The following RBFOX1 variants were observed in gnomAD, a reference collection of about 807,000 sequenced individuals.
The protein encoded by RBFOX1 is RNA binding protein fox-1 homolog 1.
In RBFOX1, 8 loss-of-function variants were observed where a neutral mutation model predicts 57.7. The observed-to-expected ratio is 0.14, with a 90% CI of 0.08 to 0.25. The LOEUF is 0.25. RBFOX1 is among the 10% of genes least tolerant of loss of function. The pLI is 1.00. For missense variants in RBFOX1, 611 were observed against 548.5 expected, an observed-to-expected ratio of 1.11 and a Z score of -1.14; for synonymous variants, 326 against 222.4, an observed-to-expected ratio of 1.47 and a Z score of -4.15.
chr16:6,620,699 A>C (rs1212095553), intron 2 of RBFOX1, among the ~76,000 whole-genome samples: 1 of 152,186 alleles, frequency 6.6e-6, no homozygotes, highest in Non-Finnish European at 1.5e-5. Context: ...AGAAATACAA[A>C]CAACCATCAC....
At chr16:6,387,907 GT>G (rs771531738) in intron 2 of RBFOX1, among the ~76,000 whole-genome samples, 60 of 150,740 alleles carry the variant, frequency 4.0e-4, no homozygotes, top group Non-Finnish European at 6.5e-4. Flanking sequence ...GTGTACCCCA[GT>G]CACTATGACT....
At chr16:7,645,277 A>T (rs2063534665) in intron 11 of RBFOX1, among the ~76,000 whole-genome samples, 1 of 152,164 alleles carries the variant, frequency 6.6e-6, no homozygotes, top group African/African-American at 2.4e-5. Context: ...TTTTGTGAGT[A>T]ACTACCACCC....
chr16:7,654,668 G>C (rs1041177248), intron 12 of RBFOX1, among the ~76,000 whole-genome samples: 8 of 152,140 alleles, frequency 5.3e-5, no homozygotes, highest in African/African-American at 1.9e-4. Flanking sequence ...TGGTGTGTTT[G>C]GTGGCAGTCT....
chr16:6,287,210 T>A (rs1437442091), intron 1 of RBFOX1, among the ~76,000 whole-genome samples: 1 of 152,134 alleles, frequency 6.6e-6, no homozygotes, highest in African/African-American at 2.4e-5. Context: ...CTTTGTGAAC[T>A]TACTGTTTTC....
At chr16:7,183,141 C>A (rs1031740479) in intron 4 of RBFOX1, among the ~76,000 whole-genome samples, 4 of 152,126 alleles carry the variant, frequency 2.6e-5, no homozygotes, top group African/African-American at 9.7e-5. Flanking sequence ...AGTATTCAAC[C>A]CTCTTTTTAT....
intron 4 of RBFOX1, among the ~76,000 whole-genome samples, chr16:7,316,446 T>A (rs577791470): frequency 2.0e-4 from 31 of 152,324 alleles, no homozygotes; most frequent in African/African-American, 6.3e-4. Context: ...TTCTCTGAAG[T>A]CAATGGTTAA....
At chr16:5,815,872 G>A (rs374520203) in intron 3 of RBFOX1, among the ~76,000 whole-genome samples, 1 of 152,200 alleles carries the variant, frequency 6.6e-6, no homozygotes, top group East Asian at 1.9e-4. Flanking sequence ...CAGGGGCTGG[G>A]AGCCTGGGGC....
chr16:6,902,797 A>C (rs1013495691), intron 3 of RBFOX1, among the ~76,000 whole-genome samples: 2 of 152,142 alleles, frequency 1.3e-5, no homozygotes, highest in African/African-American at 4.8e-5. Flanking sequence ...ATCAGAACCA[A>C]ATAAAGCTTT....
At chr16:7,567,833 C>T (rs1008041782) in intron 5 of RBFOX1, among the ~76,000 whole-genome samples, 1 of 146,578 alleles carries the variant, frequency 6.8e-6, no homozygotes, top group South Asian at 2.2e-4. Context: ...ATATATATCC[C>T]CATATATATA....
intron 1 of RBFOX1, among the ~76,000 whole-genome samples, chr16:6,139,836 T>G (rs2096700814): frequency 1.3e-5 from 2 of 152,164 alleles, no homozygotes; most frequent in South Asian, 4.1e-4. Flanking sequence ...TCAGTGATTC[T>G]CCCTTCTCAG....
At chr16:5,472,282 A>G (rs1288827226) in intron 2 of RBFOX1, among the ~76,000 whole-genome samples, 2 of 152,078 alleles carry the variant, frequency 1.3e-5, no homozygotes, top group Non-Finnish European at 2.9e-5. Context: ...AGGGCCTGGC[A>G]TTGCTTGTAC....
intron 2 of RBFOX1, among the ~76,000 whole-genome samples, chr16:6,647,712 G>T (rs574856396): frequency 2.0e-5 from 3 of 152,078 alleles, no homozygotes; most frequent in Non-Finnish European, 4.4e-5. Context: ...ATTCTGATTC[G>T]ATGTATCTGG....
chr16:6,464,617 G>T (rs984492226), intron 2 of RBFOX1, among the ~76,000 whole-genome samples: 3 of 152,210 alleles, frequency 2.0e-5, no homozygotes, highest in Admixed American at 2.0e-4. Flanking sequence ...AAAGAAAACA[G>T]CTACTTAATG....
At chr16:5,551,891 T>C (rs1383049396) in intron 2 of RBFOX1, among the ~76,000 whole-genome samples, 1 of 151,130 alleles carries the variant, frequency 6.6e-6, no homozygotes, top group African/African-American at 2.4e-5. Flanking sequence ...ATATGCGGTG[T>C]TTGGTTTTCT....
At chr16:6,934,028 C>T (rs2076979195) in intron 3 of RBFOX1, among the ~76,000 whole-genome samples, 1 of 152,198 alleles carries the variant, frequency 6.6e-6, no homozygotes, top group Non-Finnish European at 1.5e-5. Flanking sequence ...GACACGATTG[C>T]ACACTGGGCT....
intron 1 of RBFOX1, among the ~76,000 whole-genome samples, chr16:6,304,843 C>T (rs1426526732): frequency 1.6e-5 from 2 of 126,082 alleles, no homozygotes. Flanking sequence ...ACTGACTATA[C>T]TCCAGACTGG....
At chr16:5,283,047 CCAG>C (rs1294780318) in intron 1 of RBFOX1, among the ~76,000 whole-genome samples, 1 of 152,154 alleles carries the variant, frequency 6.6e-6, no homozygotes, top group Non-Finnish European at 1.5e-5. Flanking sequence ...CCTAGCCACT[CCAG>C]CTGCAGCTAA....
At chr16:5,637,816 C>G (rs956485300) in intron 3 of RBFOX1, among the ~76,000 whole-genome samples, 1 of 152,064 alleles carries the variant, frequency 6.6e-6, no homozygotes, top group Non-Finnish European at 1.5e-5. Context: ...GGAGGGAGGG[C>G]CACAGGGCTT....
At position 6,653,807 on chromosome 16, in the gene RBFOX1, C is replaced by T. The variant is rs143791754; in HGVS notation, c.-63-796C>T. On this transcript the variant is annotated intron_variant, in intron 2 of 15. Transcript: ENST00000550418. Reference sequence around the variant, plus strand: ...GTGGGTGGATGGATGGATGAGTAGACGGATGAATGGGAGAAGGATGCAGGA... The same window carrying T: ...GTGGGTGGATGGATGGATGAGTAGATGGATGAATGGGAGAAGGATGCAGGA... Among the ~76,000 whole-genome samples the T allele has an allele frequency of 2.4e-3, 345 of 143,802 alleles. 3 individuals carry two copies. The highest frequency in any genetic ancestry group is 7.8e-3 in the African/African-American group (297 of 38,086). The allele number at this position is 143,802 out of a possible 152,430, so 94.3% of individuals were successfully genotyped here. A position where few individuals can be genotyped will look rare whatever the true frequency, so the allele number is the denominator to read the frequency against.
Sources: allele counts gnomAD v4.1 joint callset (sites outside exome capture counted in the v4.1 genomes callset), GRCh38; gene constraint gnomAD v4.1.1; transcripts MANE v1.5; gene names NCBI Gene and HGNC (gene_info 2026-07-23, HGNC 2026-07-21).